Variants in MICAL3 observed in about 807,000 individuals in gnomAD.
MICAL3 encodes [F-actin]-monooxygenase MICAL3.
In MICAL3, 62 loss-of-function variants were observed where a neutral mutation model predicts 207.4. The ratio of observed to expected loss-of-function variants is 0.30; its 90% CI spans 0.24 to 0.37. The LOEUF (loss-of-function observed/expected upper bound fraction) is 0.37, where lower values mean the gene tolerates loss of function less well. Ranked by LOEUF, MICAL3 falls within the 10% of genes least tolerant of loss-of-function variation. The probability of loss-of-function intolerance (pLI) is 1.00; values close to 1 mark genes in which losing one functional copy is unlikely to be tolerated. For synonymous variants in MICAL3, 1,077 were observed against 1,069.3 expected (o/e 1.01, Z -0.14); for missense variants, 2,368 against 2,635.6 (o/e 0.90, Z 2.22).
intron 1 of MICAL3, among the ~76,000 whole-genome samples, chr22:17,934,286 T>C (rs1227886196): frequency 1.3e-5 from 2 of 152,240 alleles, no homozygotes; most frequent in Non-Finnish European, 2.9e-5. Flanking sequence ...ATTCCTAGGA[T>C]GCAAGGCTGG....
At chr22:18,022,727 C>T (rs1470619380) in intron 1 of MICAL3, among the ~76,000 whole-genome samples, 1 of 152,164 alleles carries the variant, frequency 6.6e-6, no homozygotes, top group Non-Finnish European at 1.5e-5. Context: ...CTGCGCCCAG[C>T]CCCCTCTTCT....
chr22:17,854,624 C>T (rs1925709380), intron 19 of MICAL3, among the ~76,000 whole-genome samples: 1 of 152,204 alleles, frequency 6.6e-6, no homozygotes, highest in African/African-American at 2.4e-5. Context: ...AGCACCTGCA[C>T]CCCAAGTAGC....
chr22:17,800,234 TAAATC>T (rs1424298844), intron 29 of MICAL3, among the ~76,000 whole-genome samples: 3 of 152,202 alleles, frequency 2.0e-5, no homozygotes, highest in Admixed American at 6.5e-5. Context: ...TTGAGACATA[TAAATC>T]AAGAGATGAG....
chr22:17,951,192 C>T (rs867581723), intron 1 of MICAL3, among the ~76,000 whole-genome samples: 1 of 152,188 alleles, frequency 6.6e-6, no homozygotes. Flanking sequence ...AAAGGTCACC[C>T]GCAACCCTGC....
At chr22:17,876,492 A>T (rs1330091632) in intron 16 of MICAL3, 1 of 152,220 alleles carries the variant, frequency 6.6e-6, no homozygotes, top group Non-Finnish European at 1.5e-5. Flanking sequence ...TGCTTGAGAC[A>T]CTCAGCCAGC....
At chr22:17,974,297 G>A (rs768021880) in intron 1 of MICAL3, among the ~76,000 whole-genome samples, 1 of 152,200 alleles carries the variant, frequency 6.6e-6, no homozygotes, top group Admixed American at 6.5e-5. Context: ...GTAAGTGATG[G>A]TATGTACAGC....
intron 5 of MICAL3, 140 bp downstream of exon 5, chr22:17,901,738 C>T: frequency 1.9e-6 from 1 of 523,270 alleles, no homozygotes; most frequent in Non-Finnish European, 3.3e-6. Context: ...ATGGTGGGGC[C>T]TGCCATTCCA....
chr22:17,969,932 C>A lies in MICAL3; in HGVS notation c.-75+54349G>T, dbSNP rs118038128. Among the ~76,000 whole-genome samples the A allele has an allele frequency of 6.6e-3, 1,005 of 152,274 alleles. 5 individuals carry two copies. Among genetic ancestry groups the A allele is most frequent in the Middle Eastern group, 0.01 (3 of 294 alleles). ...TGAGTGTGAGGGCCTCATGAGGTCA[C>A]GTCCACGAAAGCACTGGGAGCTCGT... On this transcript the variant is annotated intron_variant, in intron 1 of 31. Transcript: ENST00000441493.
In MICAL3 at chr22:17,797,473, G is replaced by T. The variant is rs548264166; in HGVS notation, c.5651-6172C>A. 2.6e-5 allele frequency among the ~76,000 whole-genome samples: 4 copies of T among 152,264 alleles called. No homozygotes were observed. In the South Asian group the frequency reaches 8.3e-4, roughly 32 times the overall value. On this transcript the variant is annotated intron_variant, in intron 29 of 31. Transcript: ENST00000441493. ...TGCACCACTGCACTCCAGCCTGGGTGAGTGAGACCCTATCTCTAAAAAATA... is the reference window on the plus strand; with the variant it reads ...TGCACCACTGCACTCCAGCCTGGGTTAGTGAGACCCTATCTCTAAAAAATA...
intron 20 of MICAL3, 133 bp from the exon 21 acceptor site, chr22:17,832,240 G>T: frequency 8.3e-7 from 1 of 1,198,184 alleles, no homozygotes; most frequent in Non-Finnish European, 1.2e-6. Context: ...AGACAGGAGG[G>T]AGGAGAGAGC....
chr22:18,017,176 T>TC (rs1278969545), intron 1 of MICAL3, among the ~76,000 whole-genome samples: 1 of 151,908 alleles, frequency 6.6e-6, no homozygotes, highest in Non-Finnish European at 1.5e-5. Flanking sequence ...ATGCCCATTC[T>TC]CCTTTTTTGA....
chr22:17,804,135 G>A (rs558628721), intron 29 of MICAL3, among the ~76,000 whole-genome samples: 1 of 152,172 alleles, frequency 6.6e-6, no homozygotes, highest in African/African-American at 2.4e-5. Context: ...CTATCAACAT[G>A]ATCCCACGTA....
In MICAL3 at chr22:17,792,380, G is replaced by A. The variant is rs557402726; in HGVS notation, c.5651-1079C>T. On this transcript the variant is annotated intron_variant, in intron 29 of 31. Coordinates refer to ENST00000441493, the MANE Select transcript of MICAL3 (RefSeq NM_015241.3). The stretch of plus-strand genomic sequence containing the variant: ...TTCCAAGCTGCTCCTGGGCTTCCTG[G>A]GGTCCATCCATGGGCCTCAGGTTAA... Among the ~76,000 whole-genome samples the A allele has an allele frequency of 2.5e-3, 375 of 152,284 alleles. 3 individuals carry two copies. Among genetic ancestry groups the A allele is most frequent in the African/African-American group, 8.5e-3 (355 of 41,546 alleles).
chr22:18,015,046 A>C (rs1216730833), intron 1 of MICAL3, among the ~76,000 whole-genome samples: 3 of 152,174 alleles, frequency 2.0e-5, no homozygotes, highest in African/African-American at 7.2e-5. Context: ...TTCAGAGATA[A>C]ATTCAAGTTT....
intron 1 of MICAL3, among the ~76,000 whole-genome samples, chr22:17,939,411 G>A (rs773774630): frequency 2.6e-5 from 4 of 152,238 alleles, no homozygotes; most frequent in Non-Finnish European, 4.4e-5. Flanking sequence ...GAGGACCAGT[G>A]CCACAAAGAA....
chr22:17,834,619 G>A (rs1569086510), intron 20 of MICAL3: 3 of 1,091,030 alleles, frequency 2.7e-6, no homozygotes, highest in Admixed American at 4.9e-5. Flanking sequence ...GAGGAAAGGT[G>A]TACGCACATC....
intron 16 of MICAL3, 44 bp from the exon 17 acceptor site, chr22:17,872,067 G>A (rs1927778110): frequency 6.6e-7 from 1 of 1,526,682 alleles, no homozygotes; most frequent in Admixed American, 1.9e-5. Context: ...ACCTCAGGGA[G>A]TGCCACACAG....
At chr22:17,999,412 G>C (rs1020779098) in intron 1 of MICAL3, among the ~76,000 whole-genome samples, 1 of 152,052 alleles carries the variant, frequency 6.6e-6, no homozygotes, top group African/African-American at 2.4e-5. Flanking sequence ...GAGGAGGAAT[G>C]GGGGGGACCT....
chr22:17,927,163 A>G (rs2146308842), intron 1 of MICAL3, among the ~76,000 whole-genome samples: 1 of 152,280 alleles, frequency 6.6e-6, no homozygotes, highest in South Asian at 2.1e-4. Flanking sequence ...CAGGTACCTC[A>G]TATAAGTAGA....
Sources: allele counts gnomAD v4.1 joint callset (sites outside exome capture counted in the v4.1 genomes callset), GRCh38; gene constraint gnomAD v4.1.1; transcripts MANE v1.5; gene names NCBI Gene and HGNC (gene_info 2026-07-23, HGNC 2026-07-21).